ARK2C: variants seen among roughly 807,000 people sequenced by gnomAD.
ARK2C encodes E3 ubiquitin-protein ligase ARK2C.
chr18:46,379,778 G>A, the ARK2C span, among the ~76,000 whole-genome samples: 3 of 152,342 alleles, frequency 2.0e-5, no homozygotes, highest in East Asian at 3.9e-4. Flanking sequence ...GGGAAGAGGA[G>A]TTTGATACAA....
At chr18:46,430,939 A>C in the ARK2C span, among the ~76,000 whole-genome samples, 4 of 152,186 alleles carry the variant, frequency 2.6e-5, no homozygotes, top group Non-Finnish European at 5.9e-5. Flanking sequence ...ACATGTGCAG[A>C]ACGTGCGGGT....
chr18:46,387,661 G>A, the ARK2C span, among the ~76,000 whole-genome samples: 1 of 152,252 alleles, frequency 6.6e-6, no homozygotes, highest in Non-Finnish European at 1.5e-5. Flanking sequence ...GAGGGTGCAA[G>A]GGCCCCTGAA....
the ARK2C span, among the ~76,000 whole-genome samples, chr18:46,351,724 G>A: frequency 6.6e-5 from 10 of 152,144 alleles, no homozygotes; most frequent in East Asian, 3.9e-4. Context: ...CAGTTACATC[G>A]CCTGGAAACA....
the ARK2C span, chr18:46,336,758 T>C: frequency 2.0e-6 from 2 of 985,472 alleles, no homozygotes; most frequent in Non-Finnish European, 2.4e-6. Flanking sequence ...CCTTTTGCCT[T>C]GGCTTAGAGG....
At chr18:46,348,954 T>A in the ARK2C span, among the ~76,000 whole-genome samples, 1 of 149,930 alleles carries the variant, frequency 6.7e-6, no homozygotes, top group Admixed American at 6.6e-5. Flanking sequence ...GTGTGATTTC[T>A]AGAAGCATAC....
the ARK2C span, among the ~76,000 whole-genome samples, chr18:46,371,631 G>A: frequency 6.6e-5 from 10 of 152,242 alleles, no homozygotes; most frequent in African/African-American, 2.2e-4. Flanking sequence ...GACAGCAGCT[G>A]TTAGTATTGA....
the ARK2C span, among the ~76,000 whole-genome samples, chr18:46,393,074 G>A: frequency 6.6e-6 from 1 of 152,212 alleles, no homozygotes; most frequent in African/African-American, 2.4e-5. Flanking sequence ...GTGGCAGGAT[G>A]AGTCCTTCGC....
At chr18:46,334,711 TGTGTGA>T in the ARK2C span, 2,768 of 107,198 alleles carry the variant, frequency 0.026, 16 homozygotes, top group East Asian at 0.14. The surrounding 1 kb of genome is among the most constrained non-coding windows in gnomAD (Gnocchi z 4.4). Flanking sequence ...TGTGTGTGTG[TGTGTGA>T]GAGAGAGAGA....
At chr18:46,403,437 A>G in the ARK2C span, among the ~76,000 whole-genome samples, 1 of 152,108 alleles carries the variant, frequency 6.6e-6, no homozygotes, top group Non-Finnish European at 1.5e-5. Flanking sequence ...CACTGGGCCA[A>G]CTCACCTAAG....
At chr18:46,377,166 A>T in the ARK2C span, among the ~76,000 whole-genome samples, 1 of 152,344 alleles carries the variant, frequency 6.6e-6, no homozygotes, top group East Asian at 1.9e-4. Context: ...AAATATATTC[A>T]TATGAAATAT....
chr18:46,350,652 G>A, the ARK2C span, among the ~76,000 whole-genome samples: 6 of 152,170 alleles, frequency 3.9e-5, no homozygotes, highest in Non-Finnish European at 8.8e-5. Context: ...ACGCTCGGTG[G>A]TGGCACTGAC....
chr18:46,399,901 G>T, the ARK2C span, among the ~76,000 whole-genome samples: 8 of 152,290 alleles, frequency 5.3e-5, no homozygotes, highest in African/African-American at 1.9e-4. Context: ...CACATGGCAG[G>T]TGGCTTTTCC....
At chr18:46,460,923 A>T in the ARK2C span, 2 of 151,786 alleles carry the variant, frequency 1.3e-5, no homozygotes, top group African/African-American at 4.8e-5. Flanking sequence ...CCCCACCACA[A>T]CCCTGCCTCT....
At chr18:46,422,898 A>G in the ARK2C span, among the ~76,000 whole-genome samples, 2 of 152,170 alleles carry the variant, frequency 1.3e-5, no homozygotes, top group Admixed American at 6.5e-5. Flanking sequence ...AAATCCGCCT[A>G]CTGGAAAGAC....
the ARK2C span, among the ~76,000 whole-genome samples, chr18:46,429,596 G>T: frequency 6.6e-6 from 1 of 152,126 alleles, no homozygotes; most frequent in East Asian, 1.9e-4. Flanking sequence ...GTTGAGCCAA[G>T]TATAACATCA....
the ARK2C span, among the ~76,000 whole-genome samples, chr18:46,416,581 C>T: frequency 6.6e-6 from 1 of 152,264 alleles, no homozygotes; most frequent in Non-Finnish European, 1.5e-5. Context: ...GTATAACAAT[C>T]ACTCCAAAAT....
the ARK2C span, among the ~76,000 whole-genome samples, chr18:46,363,173 T>C: frequency 6.6e-6 from 1 of 152,212 alleles, no homozygotes; most frequent in South Asian, 2.1e-4. Context: ...ACAGTCTAAA[T>C]CACTGGAGTC....
At chr18:46,334,705 TGTGTGTGTGTGAGAGAGA>T in the ARK2C span, 5 of 284,678 alleles carry the variant, frequency 1.8e-5, no homozygotes, top group African/African-American at 1.4e-4. This position sits in a 1 kb window ranked among gnomAD's most constrained non-coding sequence, Gnocchi z 4.4. Context: ...TGTGTGTGTG[TGTGTGTGTGTGAGAGAGA>T]GAGAGAGCGC....
chr18:46,381,840 A>AG, the ARK2C span, among the ~76,000 whole-genome samples: 1 of 151,582 alleles, frequency 6.6e-6, no homozygotes, highest in African/African-American at 2.4e-5. Context: ...CAAAAAAAAA[A>AG]AGATGCTTAG....
Sources: allele counts gnomAD v4.1 joint callset (sites outside exome capture counted in the v4.1 genomes callset), GRCh38; gene constraint gnomAD v4.1.1; non-coding constraint Gnocchi (gnomAD v3.1); transcripts MANE v1.5; gene names NCBI Gene and HGNC (gene_info 2026-07-23, HGNC 2026-07-21).